ADAM7: variants seen among roughly 807,000 people sequenced by gnomAD.
ADAM7 encodes the protein ADAM metallopeptidase domain 7, also known as disintegrin and metalloproteinase domain-containing protein 7.
Under a neutral mutation model 102.9 loss-of-function variants are expected in ADAM7, and 97 were observed. The ratio of observed to expected loss-of-function variants is 0.94; its 90% CI spans 0.80 to 1.12. ADAM7 has a LOEUF of 1.12. ADAM7 is among the 50% of genes most tolerant of loss of function. The pLI, the probability that ADAM7 is intolerant of heterozygous loss-of-function variation, is 0.00. For missense variants in ADAM7, 991 were observed against 908.7 expected (o/e 1.09, Z -1.16); for synonymous variants, 334 against 304.4 (o/e 1.10, Z -1.01).
intron 13 of ADAM7, 46 bp downstream of exon 13, chr8:24,490,934 A>C (rs1475294741): frequency 1.3e-6 from 2 of 1,590,504 alleles, no homozygotes; most frequent in Non-Finnish European, 1.7e-6. Context: ...CAGTTTAAGA[A>C]TATGTAGGAT....
intron 8 of ADAM7, 116 bp from the exon 9 acceptor site, chr8:24,482,026 A>G (rs1272196104): frequency 4.1e-6 from 3 of 723,132 alleles, no homozygotes; most frequent in Non-Finnish European, 4.4e-6. Context: ...ACTGTTTACT[A>G]ATGTACCTCA....
intron 3 of ADAM7, among the ~76,000 whole-genome samples, chr8:24,458,085 T>C (rs928606970): frequency 1.3e-5 from 2 of 152,234 alleles, no homozygotes; most frequent in Admixed American, 6.5e-5. Flanking sequence ...CAAACTGCCT[T>C]GATTACTGCA....
chr8:24,442,123 G>T (rs1818394179), intron 1 of ADAM7, among the ~76,000 whole-genome samples: 1 of 152,076 alleles, frequency 6.6e-6, no homozygotes, highest in Non-Finnish European at 1.5e-5. Flanking sequence ...GCAGTGAGCC[G>T]AGATCACGCC....
At chr8:24,468,477 A>G (rs1480696603) in intron 6 of ADAM7, among the ~76,000 whole-genome samples, 2 of 152,198 alleles carry the variant, frequency 1.3e-5, no homozygotes, top group East Asian at 1.9e-4. Context: ...AAACCCACAT[A>G]TCCTGCACAT....
intron 8 of ADAM7, among the ~76,000 whole-genome samples, chr8:24,478,906 G>A (rs183819715): frequency 1.3e-4 from 20 of 152,184 alleles, no homozygotes; most frequent in Admixed American, 3.3e-4. Context: ...ATTAACATGC[G>A]GAATTGGATT....
chr8:24,490,774 A>G, intron 12 of ADAM7, 25 bp from the exon 13 acceptor site: 1 of 1,606,070 alleles, frequency 6.2e-7, no homozygotes, highest in Middle Eastern at 1.7e-4. Context: ...CCAATTTCTC[A>G]TCTCTCTTTT....
intron 8 of ADAM7, among the ~76,000 whole-genome samples, chr8:24,481,682 A>G (rs1372988216): frequency 6.6e-6 from 1 of 152,208 alleles, no homozygotes; most frequent in Non-Finnish European, 1.5e-5. Context: ...AAATTCAAAC[A>G]TAAAGATCAA....
At chr8:24,443,429 C>T (rs1409931191) in intron 2 of ADAM7, among the ~76,000 whole-genome samples, 1 of 152,184 alleles carries the variant, frequency 6.6e-6, no homozygotes, top group East Asian at 1.9e-4. Flanking sequence ...AAAAGCAACT[C>T]TCCGTCTCCT....
intron 3 of ADAM7, among the ~76,000 whole-genome samples, chr8:24,463,109 A>G (rs1239769455): frequency 2.0e-5 from 3 of 152,196 alleles, no homozygotes; most frequent in Non-Finnish European, 2.9e-5. Context: ...TTTATTATGT[A>G]GCAAACATGA....
At chr8:24,492,202 GC>G in intron 14 of ADAM7, 104 bp downstream of exon 14, 1 of 1,152,084 alleles carries the variant, frequency 8.7e-7, no homozygotes, top group Non-Finnish European at 1.2e-6. Flanking sequence ...GTCATTTGTG[GC>G]ATTATTCCAA....
intron 16 of ADAM7, among the ~76,000 whole-genome samples, chr8:24,496,300 G>A (rs560079359): frequency 6.6e-6 from 1 of 152,248 alleles, no homozygotes; most frequent in Non-Finnish European, 1.5e-5. Context: ...CCAGGTAAAA[G>A]TTTGCTGCAG....
intron 3 of ADAM7, among the ~76,000 whole-genome samples, chr8:24,449,600 G>T (rs997990701): frequency 6.6e-6 from 1 of 152,104 alleles, no homozygotes; most frequent in Non-Finnish European, 1.5e-5. Context: ...TTTGTAGGTT[G>T]CCTGTTCACT....
chr8:24,455,576 T>C (rs1380429632), intron 3 of ADAM7, among the ~76,000 whole-genome samples: 3 of 152,166 alleles, frequency 2.0e-5, no homozygotes, highest in Non-Finnish European at 4.4e-5. Flanking sequence ...ACCCAGCTAA[T>C]TGTATTGTTT....
chr8:24,465,666 T>C (rs1446977586), intron 4 of ADAM7, 33 bp from the exon 5 acceptor site: 2 of 1,350,390 alleles, frequency 1.5e-6, no homozygotes, highest in Non-Finnish European at 2.0e-6. Flanking sequence ...TCAATATTTA[T>C]ACATATAGTA....
chr8:24,502,207 G>T (rs1383532377), intron 20 of ADAM7, among the ~76,000 whole-genome samples: 1 of 148,130 alleles, frequency 6.8e-6, no homozygotes, highest in Admixed American at 7.0e-5. Flanking sequence ...AGGGAAATTA[G>T]AAAGTGTTTT....
intron 6 of ADAM7, among the ~76,000 whole-genome samples, chr8:24,468,264 A>G (rs561651188): frequency 1.3e-5 from 2 of 151,834 alleles, no homozygotes; most frequent in East Asian, 3.9e-4. Context: ...ACGTGAGCTT[A>G]CTAATGAAAC....
intron 3 of ADAM7, among the ~76,000 whole-genome samples, chr8:24,448,960 T>C (rs1818672033): frequency 6.6e-6 from 1 of 152,208 alleles, no homozygotes; most frequent in South Asian, 2.1e-4. Context: ...ATTTCATCCA[T>C]GTCCCTACAA....
intron 20 of ADAM7, among the ~76,000 whole-genome samples, chr8:24,503,651 A>G (rs1339466539): frequency 6.6e-6 from 1 of 152,174 alleles, no homozygotes; most frequent in African/African-American, 2.4e-5. Context: ...GATAGACTGG[A>G]TAAAGAAAAT....
chr8:24,505,100 A>C (rs754845392), intron 20 of ADAM7, among the ~76,000 whole-genome samples: 2 of 152,184 alleles, frequency 1.3e-5, no homozygotes, highest in African/African-American at 4.8e-5. Context: ...ATTGGTATAC[A>C]CTTAGCACTT....
Sources: gnomAD v4.1 joint callset for allele counts (sites outside exome capture counted in the v4.1 genomes callset) on GRCh38, gnomAD v4.1.1 for gene constraint, MANE v1.5 for transcripts, NCBI Gene and HGNC (gene_info 2026-07-23, HGNC 2026-07-21) for gene names.